The following C12orf42 variants were observed in gnomAD, a reference collection of about 807,000 sequenced individuals.
C12orf42 encodes the protein chromosome 12 open reading frame 42.
In C12orf42, 25 loss-of-function variants were observed where a neutral mutation model predicts 21.6. The observed-to-expected ratio is 1.16, with a 90% CI of 0.84 to 1.62. C12orf42 has a LOEUF of 1.62. Among genes scored for constraint, C12orf42 ranks in the 40% most tolerant of loss-of-function variants. C12orf42 has a pLI of 0.00. For synonymous variants in C12orf42, 174 were observed against 175.0 expected (o/e 0.99, Z 0.05); for missense variants, 483 against 459.3 (o/e 1.05, Z -0.47).
chr12:103,077,094 A>G, the C12orf42 span, among the ~76,000 whole-genome samples: 4 of 152,216 alleles, frequency 2.6e-5, no homozygotes, highest in Non-Finnish European at 5.9e-5. Context: ...CATTTTCTCT[A>G]TGTTCAATTT....
Position 103,281,909 on chromosome 12 carries a change from GAAAGAA to G in C12orf42, n.338-4705_338-4700del, listed in dbSNP as rs1313119181. 6.0e-5 allele frequency among the ~76,000 whole-genome samples: 7 copies of G among 116,156 alleles called. No homozygotes were observed. The Admixed American group carries it at 6.8e-4, about 11-fold the overall frequency. 76.2% of individuals were successfully genotyped at this position (116,156 alleles called of 152,430 possible). A position where few individuals can be genotyped will look rare whatever the true frequency, so the allele number is the denominator to read the frequency against. ...AAAGAAAAAGAAAGAAAGAAAAGAA[GAAAGAA>G]AAAGAAAGAAAGAAAGAAAGAAAGA... On this transcript the variant is annotated intron_variant and non_coding_transcript_variant, in intron 4 of 6. Coordinates refer to the C12orf42 transcript ENST00000546526.
intron 2 of C12orf42, among the ~76,000 whole-genome samples, chr12:103,436,460 T>A (rs1390128474): frequency 6.6e-6 from 1 of 151,996 alleles, no homozygotes; most frequent in East Asian, 1.9e-4. Flanking sequence ...GACTGGCAAA[T>A]TGGATAAAGA....
the C12orf42 span, among the ~76,000 whole-genome samples, chr12:103,195,288 C>A: frequency 0.094 from 14,313 of 152,100 alleles, 826 homozygotes; most frequent in East Asian, 0.19. Context: ...AGAATGATAT[C>A]TATTCCTTTG....
the C12orf42 span, among the ~76,000 whole-genome samples, chr12:103,215,527 G>A: frequency 1.3e-5 from 2 of 149,656 alleles, no homozygotes; most frequent in Non-Finnish European, 3.0e-5. Context: ...TCAATTAAAA[G>A]GCTATAACCC....
chr12:103,055,381 G>A, the C12orf42 span, among the ~76,000 whole-genome samples: 2 of 151,740 alleles, frequency 1.3e-5, no homozygotes, highest in Non-Finnish European at 3.0e-5. Flanking sequence ...TTATCCTTTT[G>A]ATGTCTGAAG....
intron 3 of C12orf42, among the ~76,000 whole-genome samples, chr12:103,396,341 T>C (rs577356038): frequency 6.6e-6 from 1 of 152,292 alleles, no homozygotes; most frequent in East Asian, 1.9e-4. Flanking sequence ...CCTTTCACCA[T>C]GATTGTAAGT....
chr12:103,204,575 T>G, the C12orf42 span, among the ~76,000 whole-genome samples: 1 of 152,202 alleles, frequency 6.6e-6, no homozygotes. Flanking sequence ...GAAGGTAAAT[T>G]TATCTTGCAA....
chr12:103,229,658 T>C, the C12orf42 span, among the ~76,000 whole-genome samples: 2 of 152,234 alleles, frequency 1.3e-5, no homozygotes, highest in African/African-American at 4.8e-5. Context: ...ACATTTTTAT[T>C]TTCCATCCAG....
chr12:103,324,756 C>A (rs2040512093), intron 4 of C12orf42, among the ~76,000 whole-genome samples: 1 of 152,124 alleles, frequency 6.6e-6, no homozygotes, highest in African/African-American at 2.4e-5. Context: ...ACTCTAGGAC[C>A]AGGTGATTAT....
the C12orf42 span, among the ~76,000 whole-genome samples, chr12:103,527,763 G>A: frequency 6.6e-6 from 1 of 152,178 alleles, no homozygotes; most frequent in Non-Finnish European, 1.5e-5. Flanking sequence ...CCCTCCTCAA[G>A]AGAGACCACA....
the C12orf42 span, among the ~76,000 whole-genome samples, chr12:103,062,817 AT>A: frequency 6.6e-6 from 1 of 151,942 alleles, no homozygotes; most frequent in African/African-American, 2.4e-5. Context: ...ATTTCTAATA[AT>A]TTTTTTACAA....
the C12orf42 span, among the ~76,000 whole-genome samples, chr12:103,112,401 T>G: frequency 6.6e-6 from 1 of 152,222 alleles, no homozygotes; most frequent in Non-Finnish European, 1.5e-5. Context: ...GGCTTACACC[T>G]GTAATTCCAG....
In C12orf42 at chr12:103,368,962, A is replaced by G. The variant is rs371510466; in HGVS notation, c.184T>C (p.Ser62Pro). The G allele has an allele frequency of 6.2e-7, 1 of 1,600,328 alleles. No individual in the cohort carries two copies. Among genetic ancestry groups the G allele is most frequent in the Non-Finnish European group, 8.5e-7 (1 of 1,172,022 alleles). Residue 62 changes from serine (S) to proline (P), a missense_variant, in exon 4 of 6, where the codon TCC (serine) becomes CCC (proline). Physicochemically the swap from Ser to Pro is moderately conservative, Grantham distance 74. Transcript: ENST00000548883. ...PCYERTSVPC[S>P]RFINHMKNFS... The stretch of plus-strand genomic sequence containing the variant: ...TTCTTCATGTGATTAATGAATCTGG[A>G]GCAGGGTACTGAAGTTCTTTCATAA...
At chr12:103,301,936 C>A, downstream of C12orf42, 1 of 720,606 alleles carries the variant, frequency 1.4e-6, no homozygotes, top group Non-Finnish European at 2.2e-6. Context: ...TCAAAAGGAA[C>A]ATTTTTGGCT....
the C12orf42 span, among the ~76,000 whole-genome samples, chr12:103,081,693 T>C: frequency 3.9e-5 from 6 of 152,202 alleles, no homozygotes; most frequent in Non-Finnish European, 5.9e-5. Context: ...TTCCATCCTC[T>C]TAGCTTTCAA....
the C12orf42 span, among the ~76,000 whole-genome samples, chr12:103,508,990 T>C: frequency 2.0e-5 from 3 of 152,222 alleles, no homozygotes; most frequent in Non-Finnish European, 4.4e-5. Flanking sequence ...CTCTTTGAGG[T>C]AGCTATTATT....
chr12:103,143,550 C>A, the C12orf42 span, among the ~76,000 whole-genome samples: 8 of 152,324 alleles, frequency 5.3e-5, 1 homozygote, highest in East Asian at 1.2e-3. Flanking sequence ...TGCTTCCCCA[C>A]CCCCATTGCT....
chr12:103,419,763 A>C (rs557734629), intron 2 of C12orf42, among the ~76,000 whole-genome samples: 2 of 152,112 alleles, frequency 1.3e-5, no homozygotes, highest in South Asian at 4.2e-4. Flanking sequence ...AGTCATTTCC[A>C]TTCCTGGCCA....
chr12:103,554,201 T>C, the C12orf42 span, among the ~76,000 whole-genome samples: 21 of 152,232 alleles, frequency 1.4e-4, no homozygotes, highest in African/African-American at 4.6e-4. Flanking sequence ...CAAAAAACTA[T>C]GTTAACAAAA....
Sources: allele counts gnomAD v4.1 joint callset (sites outside exome capture counted in the v4.1 genomes callset), GRCh38; gene constraint gnomAD v4.1.1; transcripts MANE v1.5; gene names NCBI Gene and HGNC (gene_info 2026-07-23, HGNC 2026-07-21).